LRBA: variants seen among roughly 807,000 people sequenced by gnomAD.
LRBA encodes LPS responsive beige-like anchor protein.
In LRBA, 176 loss-of-function variants were observed where a neutral mutation model predicts 330.0. The ratio of observed to expected loss-of-function variants is 0.53; its 90% CI spans 0.47 to 0.60. The LOEUF (loss-of-function observed/expected upper bound fraction) is 0.60. Among genes scored for constraint, LRBA ranks in the 20% least tolerant of loss-of-function variants. The pLI is 0.00. For missense variants in LRBA, 3,259 were observed against 3,444.8 expected, an observed-to-expected ratio of 0.95 and a Z score of 1.35; for synonymous variants, 1,230 against 1,193.0, an observed-to-expected ratio of 1.03 and a Z score of -0.64.
chr4:150,722,934 G>A (rs1452119104), intron 36 of LRBA, among the ~76,000 whole-genome samples: 1 of 151,964 alleles, frequency 6.6e-6, no homozygotes, highest in Admixed American at 6.6e-5. Flanking sequence ...ACTTTACATT[G>A]GTCTCAGTGC....
intron 42 of LRBA, among the ~76,000 whole-genome samples, chr4:150,484,709 G>A (rs1757668982): frequency 1.3e-5 from 2 of 151,146 alleles, no homozygotes; most frequent in Non-Finnish European, 3.0e-5. Flanking sequence ...TTGAAGCTAA[G>A]ATCATTGATT....
chr4:150,489,138 A>ATATATAATATATAAGAATATAT (rs1455510689), intron 41 of LRBA, among the ~76,000 whole-genome samples: 2 of 66,524 alleles, frequency 3.0e-5, no homozygotes, highest in African/African-American at 1.2e-4. Flanking sequence ...AGAATATATA[A>ATATATAATATATAAGAATATAT]TATATAATAT....
intron 35 of LRBA, among the ~76,000 whole-genome samples, chr4:150,761,437 C>T (rs1192483954): frequency 6.6e-6 from 1 of 151,918 alleles, no homozygotes; most frequent in Non-Finnish European, 1.5e-5. Flanking sequence ...ATAATATAGA[C>T]ATCTAATTCT....
chr4:150,631,096 T>C (rs898674050), intron 37 of LRBA, among the ~76,000 whole-genome samples: 3 of 152,122 alleles, frequency 2.0e-5, no homozygotes, highest in African/African-American at 4.8e-5. Context: ...TCTTTGGCTT[T>C]ATTTTATCCT....
chr4:150,513,556 G>A (rs552613879), intron 40 of LRBA, among the ~76,000 whole-genome samples: 2 of 152,302 alleles, frequency 1.3e-5, no homozygotes, highest in South Asian at 4.1e-4. Context: ...TGCAGACTAG[G>A]TGGCTTAAAC....
intron 52 of LRBA, among the ~76,000 whole-genome samples, chr4:150,307,565 T>TAA (rs113281423): frequency 7.2e-6 from 1 of 139,282 alleles, no homozygotes; most frequent in Non-Finnish European, 1.6e-5. Context: ...TATAAAAATT[T>TAA]AAAAAAAAAA....
At chr4:150,751,842 T>C (rs1733597111) in intron 35 of LRBA, among the ~76,000 whole-genome samples, 2 of 152,266 alleles carry the variant, frequency 1.3e-5, no homozygotes, top group South Asian at 4.1e-4. Flanking sequence ...CTCCCATAAC[T>C]ACATTACAGC....
chr4:150,836,132 T>C (rs893256626), intron 28 of LRBA, among the ~76,000 whole-genome samples: 1 of 152,230 alleles, frequency 6.6e-6, no homozygotes, highest in Admixed American at 6.5e-5. Flanking sequence ...GAACCAGCCT[T>C]GCATCCCAGG....
intron 22 of LRBA, among the ~76,000 whole-genome samples, chr4:150,861,939 C>G (rs1484118825): frequency 6.6e-6 from 1 of 151,534 alleles, no homozygotes; most frequent in African/African-American, 2.4e-5. Context: ...CAAGATTACA[C>G]CACTGCACTC....
At chr4:150,704,649 T>A (rs1486940427) in intron 36 of LRBA, among the ~76,000 whole-genome samples, 2 of 152,116 alleles carry the variant, frequency 1.3e-5, no homozygotes, top group Non-Finnish European at 2.9e-5. Flanking sequence ...ATAGTTCTTA[T>A]ACAAACACAA....
chr4:150,760,186 G>A (rs1031302865), intron 35 of LRBA, among the ~76,000 whole-genome samples: 1 of 151,980 alleles, frequency 6.6e-6, no homozygotes. Flanking sequence ...GAAATCAGTC[G>A]AAAGCTATTT....
chr4:150,746,217 A>G (rs570966064), intron 35 of LRBA, among the ~76,000 whole-genome samples: 5 of 152,186 alleles, frequency 3.3e-5, no homozygotes, highest in Non-Finnish European at 7.4e-5. Context: ...TAAATACTTA[A>G]GAAGTCATAC....
intron 28 of LRBA, among the ~76,000 whole-genome samples, chr4:150,835,306 A>G (rs1321240715): frequency 6.6e-6 from 1 of 152,136 alleles, no homozygotes. Context: ...TTGGTTCCAT[A>G]TGAACTTTAA....
rs1352756882 is a variant in LRBA at position 150,956,018 on chromosome 4, T to A, written c.217-26953A>T. Among the ~76,000 whole-genome samples, 2 of 148,820 alleles carry A rather than the reference T, an allele frequency of 1.3e-5. 1 individual carries two copies. Among genetic ancestry groups the A allele is most frequent in the African/African-American group, 5.2e-5 (2 of 38,400 alleles). ...AAGAAATGAATGAAACAAATGAGAA[T>A]AAAATGAAATTAACAATATAAAATT... On this transcript the variant is annotated intron_variant, in intron 2 of 56. Coordinates refer to ENST00000651943, the MANE Select transcript of LRBA (RefSeq NM_001364905.1).
rs936696700 is a variant in LRBA, at chr4:150,587,327, C to G, written c.6330+721G>C. Among the ~76,000 whole-genome samples, 3 of 152,038 alleles carry G rather than the reference C, an allele frequency of 2.0e-5. No homozygotes were observed. In the South Asian group the frequency reaches 6.2e-4, roughly 32 times the overall value. ...AAAATAAATTATTCCACTTTTTAAG[C>G]CACCTTTTTCTACAGATTGCTTATT... On this transcript the variant is annotated intron_variant, in intron 40 of 56. Transcript: ENST00000651943.
chr4:151,001,831 G>A (rs759162439), intron 2 of LRBA, among the ~76,000 whole-genome samples: 3 of 152,060 alleles, frequency 2.0e-5, no homozygotes, highest in Non-Finnish European at 4.4e-5. Flanking sequence ...AGTGTATGCT[G>A]CCCTAGAGCC....
chr4:150,934,498 G>T (rs574688946), intron 2 of LRBA, among the ~76,000 whole-genome samples: 19 of 152,328 alleles, frequency 1.2e-4, no homozygotes, highest in African/African-American at 3.8e-4. Flanking sequence ...GTGGAACAGT[G>T]ATCAATAAGA....
rs149725493 is a variant in LRBA, at chr4:150,744,143, A to G, written c.5646-8777T>C. On this transcript the variant is annotated intron_variant, in intron 35 of 56. Coordinates refer to ENST00000651943, the MANE Select transcript of LRBA (RefSeq NM_001364905.1). ...CATCCCTAGTGTAATTTTAAAACCCACTAATGAATAACTTCCTCTGATTCT... is the reference window on the plus strand; with the variant it reads ...CATCCCTAGTGTAATTTTAAAACCCGCTAATGAATAACTTCCTCTGATTCT... Among the ~76,000 whole-genome samples the G allele has an allele frequency of 4.2e-3, 634 of 152,316 alleles. 4 individuals are homozygous for G. The highest frequency in any genetic ancestry group is 0.014 in the African/African-American group (571 of 41,580).
intron 34 of LRBA, among the ~76,000 whole-genome samples, chr4:150,778,745 C>T (rs904673227): frequency 2.0e-5 from 3 of 152,068 alleles, no homozygotes; most frequent in Non-Finnish European, 2.9e-5. Context: ...ATTTAGGAGC[C>T]ATATAAATGT....
Sources: allele counts gnomAD v4.1 joint callset (sites outside exome capture counted in the v4.1 genomes callset), GRCh38; gene constraint gnomAD v4.1.1; transcripts MANE v1.5; gene names NCBI Gene and HGNC (gene_info 2026-07-23, HGNC 2026-07-21).